UBA5: variants seen among roughly 807,000 people sequenced by gnomAD.
UBA5 encodes ubiquitin-like modifier-activating enzyme 5.
In UBA5, 28 loss-of-function variants were observed where a neutral mutation model predicts 52.9. The ratio of observed to expected loss-of-function variants is 0.53; its 90% CI spans 0.39 to 0.73. The LOEUF is 0.73. Ranked by LOEUF, UBA5 falls within the 30% of genes least tolerant of loss-of-function variation. The pLI is 0.00. For missense variants in UBA5, 388 were observed against 492.7 expected, an observed-to-expected ratio of 0.79 and a Z score of 2.01; for synonymous variants, 135 against 162.1, an observed-to-expected ratio of 0.83 and a Z score of 1.27.
At position 132,677,076 on chromosome 3, in the gene UBA5, T is replaced by C. The variant is rs1938870529; in HGVS notation, c.*550T>C. The C allele has an allele frequency of 3.9e-6, 1 of 256,546 alleles. No homozygotes were observed. Among genetic ancestry groups the C allele is most frequent in the Non-Finnish European group, 8.0e-6 (1 of 125,130 alleles). The allele number at this position is 256,546 out of a possible 1,614,324, so 15.9% of individuals were successfully genotyped here. A position where few individuals can be genotyped will look rare whatever the true frequency, so the allele number is the denominator to read the frequency against. On this transcript the variant is annotated 3_prime_UTR_variant, in exon 12 of 12. Transcript: ENST00000356232. ...TATGAAATAACATCCTCTCAAATGT[T>C]TGCTGATGAAGTACAAGTTGAAATG...
intron 8 of UBA5, 81 bp from the exon 9 acceptor site, chr3:132,675,167 C>A (rs886753753): frequency 6.9e-6 from 7 of 1,010,880 alleles, no homozygotes; most frequent in Non-Finnish European, 8.6e-6. Context: ...CCTATTTCAA[C>A]GTTATTTTTA....
chr3:132,661,708 G>A (rs377647791), intron 1 of UBA5, among the ~76,000 whole-genome samples: 1 of 152,146 alleles, frequency 6.6e-6, no homozygotes, highest in Admixed American at 6.5e-5. Flanking sequence ...CTCATGAACC[G>A]TCTCCCCAGT....
In UBA5 at chr3:132,676,405, G is replaced by T; in HGVS notation, c.1132-38G>T. On this transcript the variant is annotated intron_variant, in intron 11 of 11. Transcript: ENST00000356232. This position sits in a 1 kb window ranked among gnomAD's most constrained non-coding sequence, Gnocchi z 4.1. ...TTCCTAAGCATCAAGAATTCTATATGGTTCTTTTTTCACTGTATTTCCCTT... is the reference window on the plus strand; with the variant it reads ...TTCCTAAGCATCAAGAATTCTATATTGTTCTTTTTTCACTGTATTTCCCTT... The T allele has an allele frequency of 6.6e-7, 1 of 1,506,570 alleles. No individual in the cohort carries two copies. Among genetic ancestry groups the T allele is most frequent in the South Asian group, 1.2e-5 (1 of 85,886 alleles). 93.3% of individuals were successfully genotyped at this position (1,506,570 alleles called of 1,614,324 possible).
Position 132,672,518 on chromosome 3 carries a change from T to C in UBA5, c.812+341T>C, listed in dbSNP as rs112752823. Among the ~76,000 whole-genome samples, 183 of 152,298 alleles carry C rather than the reference T, an allele frequency of 1.2e-3. 1 individual carries two copies. Among genetic ancestry groups the C allele is most frequent in the African/African-American group, 3.8e-3 (157 of 41,574 alleles). Reference sequence around the variant, plus strand: ...GCATATTTATTTATGAAACATTAACTGAATGATTTAAATCTTTGCAAGTCT... The same window carrying C: ...GCATATTTATTTATGAAACATTAACCGAATGATTTAAATCTTTGCAAGTCT... On this transcript the variant is annotated intron_variant, in intron 8 of 11. Coordinates refer to ENST00000356232, the MANE Select transcript of UBA5 (RefSeq NM_024818.6).
rs529661544 is a variant in UBA5 at position 132,674,542 on chromosome 3, A to G, written c.813-706A>G. 1.4e-4 allele frequency among the ~76,000 whole-genome samples: 22 copies of G among 152,288 alleles called. No individual in the cohort carries two copies. In the East Asian group the frequency reaches 4.1e-3, roughly 28 times the overall value. On this transcript the variant is annotated intron_variant, in intron 8 of 11. Coordinates refer to ENST00000356232, the MANE Select transcript of UBA5 (RefSeq NM_024818.6). Reference sequence around the variant, plus strand: ...ATCTTTACAAAAAAAAAATACAAAAATTAGCCAAGCGTGGTGGTGCTTGCC... The same window carrying G: ...ATCTTTACAAAAAAAAAATACAAAAGTTAGCCAAGCGTGGTGGTGCTTGCC...
Position 132,677,324 on chromosome 3 carries a change from C to T in UBA5, c.*798C>T, listed in dbSNP as rs553369361. On this transcript the variant is annotated 3_prime_UTR_variant, in exon 12 of 12. Coordinates refer to ENST00000356232, the MANE Select transcript of UBA5 (RefSeq NM_024818.6). The stretch of plus-strand genomic sequence containing the variant: ...GGCATAAATTTAGACTAAAATCCAT[C>T]CAGATTACACTCATTCTTTAGGCTA... The T allele has an allele frequency of 1.9e-5, 3 of 156,922 alleles. No individual in the cohort carries two copies. The highest frequency in any genetic ancestry group is 3.8e-4 in the South Asian group (2 of 5,306). The allele number at this position is 156,922 out of a possible 1,614,324, so 9.7% of individuals were successfully genotyped here.
Position 132,678,800 on chromosome 3 carries a change from C to T in UBA5, c.*2274C>T, listed in dbSNP as rs1938935811. The stretch of plus-strand genomic sequence containing the variant: ...AAGTAGCTGGGATTACAGGTGCCCG[C>T]CACCACGCATGGCTAATTTTTGTAT... On this transcript the variant is annotated 3_prime_UTR_variant, in exon 12 of 12. Transcript: ENST00000356232. Among the ~76,000 whole-genome samples the T allele has an allele frequency of 1.3e-5, 2 of 152,008 alleles. No homozygotes were observed. The highest frequency in any genetic ancestry group is 4.2e-4 in the South Asian group (2 of 4,804).
chr3:132,665,710 C>T (rs1478668643), intron 1 of UBA5, 113 bp from the exon 2 acceptor site: 10 of 1,047,858 alleles, frequency 9.5e-6, no homozygotes, highest in South Asian at 1.6e-5. Flanking sequence ...CTCTTTGAAA[C>T]GATTAGTAAT....
intron 8 of UBA5, among the ~76,000 whole-genome samples, chr3:132,672,734 A>T (rs1328983620): frequency 1.3e-5 from 2 of 151,860 alleles, no homozygotes; most frequent in Non-Finnish European, 2.9e-5. Context: ...AACAGTACTT[A>T]AAAAAGATTC....
chr3:132,675,354 A>G lies in UBA5; in HGVS notation c.919A>G (p.Asn307Asp). ...MKPNPQCDDR[N>D]CRKQQEEYKK... Reference sequence around the variant, plus strand: ...GCCAAATCCTCAGTGTGATGACAGAAATTGCAGGAAGCAGCAGGAGGAATA... The same window carrying G: ...GCCAAATCCTCAGTGTGATGACAGAGATTGCAGGAAGCAGCAGGAGGAATA... The change falls in exon 9 of 12, where the codon AAT becomes GAT. Residue 307 changes from asparagine to aspartate, a missense_variant. Around this residue, in one of 3 missense-constraint regions of UBA5, gnomAD observed 277 missense variants for 326.4 expected, o/e 0.85. Transcript: ENST00000356232. The G allele has an allele frequency of 6.2e-7, 1 of 1,613,734 alleles. No individual in the cohort carries two copies.
In UBA5 at chr3:132,676,937, CAGCTTATTG is replaced by C. The variant is rs1938865802; in HGVS notation, c.*413_*421del. 1 of 451,912 alleles carries C rather than the reference CAGCTTATTG, an allele frequency of 2.2e-6. No individual in the cohort carries two copies. Among genetic ancestry groups the C allele is most frequent in the Non-Finnish European group, 4.4e-6 (1 of 224,852 alleles). The allele number at this position is 451,912 out of a possible 1,614,324, so 28.0% of individuals were successfully genotyped here. ...GATACAGGGAGAAGGACAAGGCATA[CAGCTTATTG>C]ATTAGAGCTGGCAAGCATCTGCTCA... On this transcript the variant is annotated 3_prime_UTR_variant, in exon 12 of 12. Transcript: ENST00000356232. This position sits in a 1 kb window ranked among gnomAD's most constrained non-coding sequence, Gnocchi z 4.1.
chr3:132,677,976 G>A lies in UBA5; in HGVS notation c.*1450G>A, dbSNP rs1356918512. On this transcript the variant is annotated 3_prime_UTR_variant, in exon 12 of 12. Coordinates refer to ENST00000356232, the MANE Select transcript of UBA5 (RefSeq NM_024818.6). ...ATTGAACTGTAAAATAGCTTTTCTA[G>A]TATGAGAGATGTTTTGAATTTAAAA... 6.6e-6 allele frequency: 1 copy of A among 152,076 alleles called. No homozygotes were observed. The highest frequency in any genetic ancestry group is 1.5e-5 in the Non-Finnish European group (1 of 67,996). 9.4% of individuals were successfully genotyped at this position (152,076 alleles called of 1,614,324 possible). A position where few individuals can be genotyped will look rare whatever the true frequency, so the allele number is the denominator to read the frequency against.
In UBA5 at chr3:132,679,065, C is replaced by T. The variant is rs1166028181; in HGVS notation, c.*2539C>T. On this transcript the variant is annotated 3_prime_UTR_variant, in exon 12 of 12. Transcript: ENST00000356232. The stretch of plus-strand genomic sequence containing the variant: ...TGGGTAGGTCAAGAGGTCAGGAGTT[C>T]GAGACCAGCCTGACCAACATGGCAA... Among the ~76,000 whole-genome samples, 3 of 151,600 alleles carry T rather than the reference C, an allele frequency of 2.0e-5. No individual in the cohort carries two copies. The highest frequency in any genetic ancestry group is 2.1e-4 in the South Asian group (1 of 4,792).
intron 1 of UBA5, among the ~76,000 whole-genome samples, chr3:132,655,120 C>T (rs1486284349): frequency 6.6e-6 from 1 of 152,118 alleles, no homozygotes; most frequent in Non-Finnish European, 1.5e-5. Context: ...CCGTCATTGA[C>T]CAAAACGTCA....
At chr3:132,658,018 C>T (rs1224770680), upstream of UBA5, among the ~76,000 whole-genome samples, 2 of 151,918 alleles carry the variant, frequency 1.3e-5, no homozygotes, top group African/African-American at 4.8e-5. Flanking sequence ...CGTGCCACCA[C>T]GCCCGGCTAA....
chr3:132,658,596 A>C (rs1168304542), upstream of UBA5, among the ~76,000 whole-genome samples: 1 of 152,242 alleles, frequency 6.6e-6, no homozygotes, highest in Non-Finnish European at 1.5e-5. Context: ...TTACAACACA[A>C]GGCTTCTAGC....
At position 132,665,816 on chromosome 3, in the gene UBA5, T is replaced by C. The variant is rs769919837; in HGVS notation, c.162-7T>C. The C allele has an allele frequency of 1.5e-5, 24 of 1,613,052 alleles. No individual in the cohort carries two copies. The highest frequency in any genetic ancestry group is 2.0e-5 in the Non-Finnish European group (23 of 1,179,368). ...AAGCTTTAAAACATATTTTTCTTTG[T>C]TTTAAGCCGCTTGATGGCATTGAAA... On this transcript the variant is annotated splice_region_variant and splice_polypyrimidine_tract_variant and intron_variant, in intron 1 of 11. Coordinates refer to ENST00000356232, the MANE Select transcript of UBA5 (RefSeq NM_024818.6).
At chr3:132,660,146 C>G (rs1242907942), upstream of UBA5, 4 of 345,546 alleles carry the variant, frequency 1.2e-5, no homozygotes, top group African/African-American at 8.6e-5. The surrounding 1 kb of genome is among the most constrained non-coding windows in gnomAD (Gnocchi z 4.1). Context: ...GGCCGTCAGA[C>G]TGTCGAGCCT....
At chr3:132,664,437 C>CAAAATT (rs1938288494) in intron 1 of UBA5, among the ~76,000 whole-genome samples, 3 of 152,068 alleles carry the variant, frequency 2.0e-5, no homozygotes, top group Non-Finnish European at 2.9e-5. Context: ...TTACCTTTGC[C>CAAAATT]GTACCCTTTG....
Sources: gnomAD v4.1 joint callset for allele counts (sites outside exome capture counted in the v4.1 genomes callset) on GRCh38, gnomAD v4.1.1 for gene constraint, gnomAD v4.1.1 regional missense constraint, Gnocchi (gnomAD v3.1) non-coding constraint, MANE v1.5 for transcripts, NCBI Gene and HGNC (gene_info 2026-07-23, HGNC 2026-07-21) for gene names.